RBFOX1: variants seen among roughly 807,000 people sequenced by gnomAD.
RBFOX1 encodes RNA binding protein fox-1 homolog 1.
Under a neutral mutation model 57.7 loss-of-function variants are expected in RBFOX1, and 8 were observed. That is an observed-to-expected ratio of 0.14 (90% CI 0.08 to 0.25). The LOEUF is 0.25. Ranked by LOEUF, RBFOX1 falls within the 10% of genes least tolerant of loss-of-function variation. RBFOX1 has a pLI of 1.00. For synonymous variants in RBFOX1, 326 were observed against 222.4 expected (o/e 1.47, Z -4.15); for missense variants, 611 against 548.5 (o/e 1.11, Z -1.14).
At chr16:6,589,103 C>CAA (rs59966674) in intron 2 of RBFOX1, among the ~76,000 whole-genome samples, 44 of 152,030 alleles carry the variant, frequency 2.9e-4, no homozygotes, top group Non-Finnish European at 4.1e-4. Context: ...ATCTATATTA[C>CAA]AAAAAAACCC....
chr16:6,724,494 C>T (rs1054946647), intron 3 of RBFOX1, among the ~76,000 whole-genome samples: 3 of 152,138 alleles, frequency 2.0e-5, no homozygotes, highest in African/African-American at 7.2e-5. Flanking sequence ...AGGCATTAGC[C>T]ACCACACCTG....
At chr16:6,071,714 C>T (rs909543051) in intron 1 of RBFOX1, among the ~76,000 whole-genome samples, 12 of 152,162 alleles carry the variant, frequency 7.9e-5, no homozygotes, top group African/African-American at 2.9e-4. Context: ...CACAGTGTAA[C>T]TTCAAGCTAA....
At chr16:7,398,651 C>T (rs959413688) in intron 4 of RBFOX1, among the ~76,000 whole-genome samples, 1 of 152,180 alleles carries the variant, frequency 6.6e-6, no homozygotes, top group African/African-American at 2.4e-5. Flanking sequence ...GCCAGAGAGG[C>T]AATTTTGAGC....
intron 2 of RBFOX1, among the ~76,000 whole-genome samples, chr16:6,473,331 C>A (rs1374164462): frequency 6.6e-6 from 1 of 152,080 alleles, no homozygotes; most frequent in African/African-American, 2.4e-5. Context: ...CTCAATTAAT[C>A]CTTGAACGAA....
At chr16:6,881,376 A>G (rs1190998013) in intron 3 of RBFOX1, among the ~76,000 whole-genome samples, 1 of 152,140 alleles carries the variant, frequency 6.6e-6, no homozygotes, top group Non-Finnish European at 1.5e-5. Context: ...AGTTACTCTC[A>G]CAGTTCTGCA....
At chr16:7,198,946 G>C (rs1467675472) in intron 4 of RBFOX1, among the ~76,000 whole-genome samples, 2 of 152,182 alleles carry the variant, frequency 1.3e-5, no homozygotes, top group African/African-American at 2.4e-5. Flanking sequence ...ATGCTTGCAG[G>C]AGAACCCCTG....
At chr16:6,918,707 T>C (rs559138730) in intron 3 of RBFOX1, among the ~76,000 whole-genome samples, 1 of 152,194 alleles carries the variant, frequency 6.6e-6, no homozygotes, top group African/African-American at 2.4e-5. Flanking sequence ...AAAGAAATCA[T>C]TCTCTGCCTT....
chr16:6,563,638 G>A (rs1332015061), intron 2 of RBFOX1, among the ~76,000 whole-genome samples: 1 of 152,044 alleles, frequency 6.6e-6, no homozygotes, highest in African/African-American at 2.4e-5. Flanking sequence ...GAGCTCAGGG[G>A]TTCACGACCG....
At chr16:7,100,751 G>C (rs970192224) in intron 4 of RBFOX1, among the ~76,000 whole-genome samples, 1 of 152,018 alleles carries the variant, frequency 6.6e-6, no homozygotes, top group Admixed American at 6.6e-5. Flanking sequence ...GGGGAAAAAA[G>C]ATCCAATGGC....
chr16:5,609,175 A>G (rs1663208054), intron 3 of RBFOX1, among the ~76,000 whole-genome samples: 1 of 152,182 alleles, frequency 6.6e-6, no homozygotes, highest in South Asian at 2.1e-4. Context: ...AATGGGCCGA[A>G]CCACCTGAAA....
intron 4 of RBFOX1, among the ~76,000 whole-genome samples, chr16:7,225,920 A>ATATATATATATATATATATATATATATAT (rs71147674): frequency 2.1e-5 from 3 of 140,970 alleles, no homozygotes; most frequent in South Asian, 2.3e-4. Flanking sequence ...ATATATATAT[A>ATATATATATATATATATATATATATATAT]AATGTGAATG....
At chr16:5,324,052 G>C (rs1056453313) in intron 1 of RBFOX1, among the ~76,000 whole-genome samples, 1 of 152,230 alleles carries the variant, frequency 6.6e-6, no homozygotes, top group Non-Finnish European at 1.5e-5. Context: ...TTTTAGTGTT[G>C]TGTCTCTTTG....
chr16:5,996,618 C>G (rs566256065), intron 4 of RBFOX1, among the ~76,000 whole-genome samples: 4 of 152,070 alleles, frequency 2.6e-5, no homozygotes, highest in African/African-American at 7.2e-5. Flanking sequence ...AATTCTGTAC[C>G]CTAGGGCTAA....
chr16:5,658,002 T>C (rs2049509816), intron 3 of RBFOX1, among the ~76,000 whole-genome samples: 1 of 152,178 alleles, frequency 6.6e-6, no homozygotes. Context: ...AAAATGATGA[T>C]ATTACAGGCG....
At chr16:6,714,201 G>T (rs536797383) in intron 3 of RBFOX1, among the ~76,000 whole-genome samples, 1 of 152,310 alleles carries the variant, frequency 6.6e-6, no homozygotes, top group Non-Finnish European at 1.5e-5. Flanking sequence ...CTTCTGCCAA[G>T]ATTGTAGGTT....
intron 2 of RBFOX1, among the ~76,000 whole-genome samples, chr16:6,424,792 A>G (rs1255813132): frequency 2.0e-5 from 3 of 152,164 alleles, no homozygotes; most frequent in African/African-American, 7.2e-5. Flanking sequence ...CGTTGCAACC[A>G]TGGTAAATAA....
chr16:6,842,761 G>A (rs1357986064), intron 3 of RBFOX1, among the ~76,000 whole-genome samples: 2 of 151,118 alleles, frequency 1.3e-5, no homozygotes, highest in East Asian at 2.0e-4. Context: ...CTGTCAACCC[G>A]TCATCTAGGT....
chr16:5,439,508 C>G (rs1474678076), intron 1 of RBFOX1, among the ~76,000 whole-genome samples: 1 of 151,816 alleles, frequency 6.6e-6, no homozygotes, highest in Non-Finnish European at 1.5e-5. Context: ...AGAGAACGAA[C>G]AAATGCATGA....
rs930178179 is a variant in RBFOX1 at position 6,988,635 on chromosome 16, C to T, written c.-15-63422C>T. On this transcript the variant is annotated intron_variant, in intron 3 of 15. Coordinates refer to ENST00000550418, the MANE Select transcript of RBFOX1 (RefSeq NM_018723.4). ...TCCCCTAGGCTGGAGTGCAGTGGTG[C>T]GATCTCGGCTCACTACAACCTCTGC... 1.2e-4 allele frequency among the ~76,000 whole-genome samples: 18 copies of T among 150,920 alleles called. No individual in the cohort carries two copies. The East Asian group carries it at 3.3e-3, about 28-fold the overall frequency.
Sources: allele counts gnomAD v4.1 joint callset (sites outside exome capture counted in the v4.1 genomes callset), GRCh38; gene constraint gnomAD v4.1.1; transcripts MANE v1.5; gene names NCBI Gene and HGNC (gene_info 2026-07-23, HGNC 2026-07-21).